SGCZ: variants seen among roughly 807,000 people sequenced by gnomAD.
SGCZ encodes zeta-sarcoglycan.
Under a neutral mutation model 41.3 loss-of-function variants are expected in SGCZ, and 40 were observed. The ratio of observed to expected loss-of-function variants is 0.97; its 90% CI spans 0.75 to 1.26. The LOEUF (loss-of-function observed/expected upper bound fraction) is 1.26. Among genes scored for constraint, SGCZ ranks in the 50% most tolerant of loss-of-function variants. The pLI, the probability that SGCZ is intolerant of heterozygous loss-of-function variation, is 0.00. For synonymous variants in SGCZ, 206 were observed against 137.5 expected, an observed-to-expected ratio of 1.50 and a Z score of -3.49; for missense variants, 552 against 369.8, an observed-to-expected ratio of 1.49 and a Z score of -4.04.
chr8:14,731,400 G>A (rs1244174163), intron 1 of SGCZ, among the ~76,000 whole-genome samples: 1 of 151,978 alleles, frequency 6.6e-6, no homozygotes, highest in Non-Finnish European at 1.5e-5. Context: ...TGGGGGGATA[G>A]GGGAGGGAGA....
intron 1 of SGCZ, among the ~76,000 whole-genome samples, chr8:14,895,588 G>A (rs983977758): frequency 1.3e-5 from 2 of 152,160 alleles, no homozygotes; most frequent in Admixed American, 6.6e-5. Context: ...CAAAGAAGAT[G>A]TAAGTGGTAT....
At chr8:14,381,408 A>G (rs556539344) in intron 2 of SGCZ, among the ~76,000 whole-genome samples, 16 of 152,294 alleles carry the variant, frequency 1.1e-4, no homozygotes, top group Middle Eastern at 3.4e-3. Flanking sequence ...ATGATAATCC[A>G]TATTTTACCA....
intron 4 of SGCZ, among the ~76,000 whole-genome samples, chr8:14,184,423 T>A (rs757441981): frequency 6.6e-6 from 1 of 152,182 alleles, no homozygotes; most frequent in Admixed American, 6.5e-5. Context: ...TATCAATCAA[T>A]TGAAAAGTTC....
intron 4 of SGCZ, among the ~76,000 whole-genome samples, chr8:14,230,638 A>G (rs1053180770): frequency 6.6e-6 from 1 of 152,132 alleles, no homozygotes; most frequent in Admixed American, 6.6e-5. Flanking sequence ...ACATTTTTAC[A>G]TACTGTATAC....
At chr8:15,179,067 G>A (rs1429326404) in intron 1 of SGCZ, among the ~76,000 whole-genome samples, 2 of 152,084 alleles carry the variant, frequency 1.3e-5, no homozygotes, top group Non-Finnish European at 2.9e-5. Flanking sequence ...GGACATAAAA[G>A]TATAAAGAGT....
rs1563410160 is a variant in SGCZ, at chr8:14,558,602, GA to G, written c.40-3677del. On this transcript the variant is annotated intron_variant, in intron 1 of 7. Coordinates refer to ENST00000382080, the MANE Select transcript of SGCZ (RefSeq NM_139167.4). Reference sequence around the variant, plus strand: ...AGAGAGAGAGAGAGAGAGAGAGAGAGAGAGAGAGAGAATCTTCCATAAATAA... The same window carrying G: ...AGAGAGAGAGAGAGAGAGAGAGAGAGGAGAGAGAGAATCTTCCATAAATAA... Among the ~76,000 whole-genome samples the G allele has an allele frequency of 2.8e-3, 428 of 150,644 alleles. 5 individuals are homozygous for G. The highest frequency in any genetic ancestry group is 0.01 in the African/African-American group (411 of 40,678).
intron 2 of SGCZ, among the ~76,000 whole-genome samples, chr8:14,542,649 T>C (rs559715839): frequency 7.9e-5 from 12 of 152,226 alleles, no homozygotes; most frequent in Admixed American, 5.9e-4. Context: ...CAAATTGGTG[T>C]TCCTGGCACA....
At chr8:14,258,677 G>A (rs763735679) in intron 3 of SGCZ, among the ~76,000 whole-genome samples, 2 of 152,118 alleles carry the variant, frequency 1.3e-5, no homozygotes, top group East Asian at 3.8e-4. Flanking sequence ...AAATTTTACT[G>A]GATTAATGTA....
At chr8:14,945,300 C>T (rs1403074423) in intron 1 of SGCZ, among the ~76,000 whole-genome samples, 1 of 151,986 alleles carries the variant, frequency 6.6e-6, no homozygotes, top group Non-Finnish European at 1.5e-5. Context: ...TATGATCTTC[C>T]CATTTCCTCC....
chr8:14,341,849 C>G (rs981676126), intron 2 of SGCZ, among the ~76,000 whole-genome samples: 5 of 152,200 alleles, frequency 3.3e-5, no homozygotes, highest in Admixed American at 3.3e-4. Flanking sequence ...GATTCTGAAG[C>G]CTCCCAACTA....
chr8:15,017,586 C>T (rs1353074775), intron 1 of SGCZ, among the ~76,000 whole-genome samples: 1 of 152,134 alleles, frequency 6.6e-6, no homozygotes, highest in Non-Finnish European at 1.5e-5. Context: ...AATGCAGCCT[C>T]AACCTCCCAG....
rs146626290 is a variant in SGCZ at position 14,135,282 on chromosome 8, T to A, written c.548-27047A>T. 6.5e-3 allele frequency among the ~76,000 whole-genome samples: 987 copies of A among 152,332 alleles called. 7 individuals carry two copies. The highest frequency in any genetic ancestry group is 0.023 in the African/African-American group (939 of 41,568). Reference sequence around the variant, plus strand: ...AAATAATATTTTGAATTATTTCACTTTTTCTCCTTCACTATCTCTTCCTTT... The same window carrying A: ...AAATAATATTTTGAATTATTTCACTATTTCTCCTTCACTATCTCTTCCTTT... On this transcript the variant is annotated intron_variant, in intron 5 of 7. Coordinates refer to ENST00000382080, the MANE Select transcript of SGCZ (RefSeq NM_139167.4).
intron 4 of SGCZ, among the ~76,000 whole-genome samples, chr8:14,169,688 C>A (rs1804317029): frequency 6.6e-6 from 1 of 152,128 alleles, no homozygotes; most frequent in Admixed American, 6.6e-5. Context: ...CTGTTATGAG[C>A]ATTATTTTCT....
At chr8:14,396,746 T>G (rs1798930934) in intron 2 of SGCZ, among the ~76,000 whole-genome samples, 1 of 152,080 alleles carries the variant, frequency 6.6e-6, no homozygotes, top group African/African-American at 2.4e-5. Context: ...TGAGCTCAGA[T>G]GAATAGAGTT....
intron 1 of SGCZ, among the ~76,000 whole-genome samples, chr8:15,027,344 C>A (rs1314903193): frequency 6.6e-6 from 1 of 151,920 alleles, no homozygotes; most frequent in Non-Finnish European, 1.5e-5. Flanking sequence ...TTATTTAATA[C>A]AGATGGGAAA....
intron 5 of SGCZ, among the ~76,000 whole-genome samples, chr8:14,118,473 A>T (rs1374067783): frequency 6.6e-6 from 1 of 152,156 alleles, no homozygotes; most frequent in South Asian, 2.1e-4. Context: ...CCTTTGTCAG[A>T]TAAAGAGATT....
At chr8:14,718,650 A>T (rs1809776650) in intron 1 of SGCZ, among the ~76,000 whole-genome samples, 1 of 18,440 alleles carries the variant, frequency 5.4e-5, no homozygotes, top group Admixed American at 8.5e-4. Context: ...TCACAGGAGT[A>T]TGCTATAATA....
At chr8:14,970,647 G>A (rs1230722832) in intron 1 of SGCZ, among the ~76,000 whole-genome samples, 1 of 152,018 alleles carries the variant, frequency 6.6e-6, no homozygotes, top group Non-Finnish European at 1.5e-5. Context: ...CATTTCTTCT[G>A]TTCCATTGAC....
intron 1 of SGCZ, among the ~76,000 whole-genome samples, chr8:14,619,756 G>A (rs949143678): frequency 6.6e-6 from 1 of 152,156 alleles, no homozygotes. Flanking sequence ...ACCTTTTCAA[G>A]GAGAACTACA....
Sources: gnomAD v4.1 joint callset for allele counts (sites outside exome capture counted in the v4.1 genomes callset) on GRCh38, gnomAD v4.1.1 for gene constraint, MANE v1.5 for transcripts, NCBI Gene and HGNC (gene_info 2026-07-23, HGNC 2026-07-21) for gene names.